Variants in SUSD1 observed in about 807,000 individuals in gnomAD.
SUSD1 encodes the protein sushi domain containing 1, also known as sushi domain-containing protein 1.
SUSD1 carries 65 observed loss-of-function variants against 86.9 expected under a neutral mutation model. That is an observed-to-expected ratio of 0.75 (90% CI 0.61 to 0.92). The LOEUF (loss-of-function observed/expected upper bound fraction) is 0.92, where lower values mean the gene tolerates loss of function less well. Ranked by LOEUF, SUSD1 falls within the 40% of genes least tolerant of loss-of-function variation. The pLI is 0.00. For synonymous variants in SUSD1, 346 were observed against 350.0 expected, an observed-to-expected ratio of 0.99 and a Z score of 0.13; for missense variants, 850 against 929.7, an observed-to-expected ratio of 0.91 and a Z score of 1.11.
chr9:112,069,602 T>G (rs908809770), intron 12 of SUSD1, among the ~76,000 whole-genome samples: 1 of 152,126 alleles, frequency 6.6e-6, no homozygotes, highest in Admixed American at 6.5e-5. Flanking sequence ...TAAAATTAAC[T>G]TTTTTTATTA....
intron 3 of SUSD1, among the ~76,000 whole-genome samples, chr9:112,144,905 C>A (rs1439637740): frequency 6.6e-6 from 1 of 152,068 alleles, no homozygotes. Flanking sequence ...AATCTCTCTT[C>A]CAGTTAGTAG....
intron 12 of SUSD1, among the ~76,000 whole-genome samples, chr9:112,070,363 C>T (rs1829213664): frequency 6.6e-6 from 1 of 152,174 alleles, no homozygotes; most frequent in Non-Finnish European, 1.5e-5. Flanking sequence ...GCCTAAGCCT[C>T]GTCAGGCTGG....
chr9:112,063,900 C>T (rs373824664), intron 12 of SUSD1, among the ~76,000 whole-genome samples: 1 of 152,172 alleles, frequency 6.6e-6, no homozygotes, highest in African/African-American at 2.4e-5. Context: ...TCTTGGGGTT[C>T]CTACCCATGC....
intron 6 of SUSD1, among the ~76,000 whole-genome samples, chr9:112,121,597 A>G (rs1364338507): frequency 6.6e-6 from 1 of 152,180 alleles, no homozygotes; most frequent in Non-Finnish European, 1.5e-5. Context: ...CCACTGCTCT[A>G]TGGACAAATA....
At position 112,093,186 on chromosome 9, in the gene SUSD1, TCTCCCTATTCC is replaced by T. The variant is rs1201654108; in HGVS notation, c.1474+5273_1474+5283del. Reference sequence around the variant, plus strand: ...CATAAGGGAAAAGGCAATTTTGGCTTCTCCCTATTCCCTATATGTTAATCCTCAAGGAAGGA... The same window carrying T: ...CATAAGGGAAAAGGCAATTTTGGCTTCTATATGTTAATCCTCAAGGAAGGA... On this transcript the variant is annotated intron_variant, in intron 10 of 16. Transcript: ENST00000374270. Among the ~76,000 whole-genome samples, 3 of 152,288 alleles carry T rather than the reference TCTCCCTATTCC, an allele frequency of 2.0e-5. No individual in the cohort carries two copies. In the East Asian group the frequency reaches 5.8e-4, roughly 29 times the overall value.
At chr9:112,165,905 G>T (rs1175849570) in intron 1 of SUSD1, among the ~76,000 whole-genome samples, 1 of 77,534 alleles carries the variant, frequency 1.3e-5, no homozygotes, top group Non-Finnish European at 2.5e-5. Context: ...AAGAAAGGAA[G>T]GAAGGAAGGA....
At chr9:112,115,824 G>GAAAAAAAAAGAAAAAAAAAAA (rs1554766278) in intron 6 of SUSD1, among the ~76,000 whole-genome samples, 3 of 120,936 alleles carry the variant, frequency 2.5e-5, no homozygotes, top group East Asian at 2.4e-4. Flanking sequence ...AAAAAAAAAA[G>GAAAAAAAAAGAAAAAAAAAAA]AAAAAAAAAA....
intron 5 of SUSD1, among the ~76,000 whole-genome samples, chr9:112,133,150 ATGT>A (rs1322743935): frequency 6.6e-6 from 1 of 152,198 alleles, no homozygotes; most frequent in Admixed American, 6.5e-5. Context: ...TTAGCCAGGC[ATGT>A]AGTCCCAGCT....
intron 10 of SUSD1, among the ~76,000 whole-genome samples, chr9:112,081,411 G>A (rs1223499381): frequency 6.6e-6 from 1 of 152,174 alleles, no homozygotes; most frequent in Non-Finnish European, 1.5e-5. Context: ...TTGCAACACG[G>A]AGCAGGTAGG....
chr9:112,041,910 C>G lies in SUSD1; in HGVS notation c.2200G>C (p.Ala734Pro). The change falls in exon 16 of 17, where the codon GCT (alanine) becomes CCT (proline). Residue 734 changes from alanine (A) to proline (P), a missense_variant. Coordinates refer to ENST00000374270, the MANE Select transcript of SUSD1 (RefSeq NM_022486.5). ...AGGAATGTGAGAATGATCACAACAG[C>G]CAGGGAACCCAGTCCAACACCCGCC... ...QMAGVGLGSLAVVIILTFLSF... is the reference protein window; with the variant it reads ...QMAGVGLGSLPVVIILTFLSF... 1 of 1,614,038 alleles carries G rather than the reference C, an allele frequency of 6.2e-7. No homozygotes were observed.
At chr9:112,165,259 A>G (rs886087766) in intron 1 of SUSD1, among the ~76,000 whole-genome samples, 4 of 152,210 alleles carry the variant, frequency 2.6e-5, no homozygotes, top group Non-Finnish European at 4.4e-5. Flanking sequence ...GTATTGTAAA[A>G]TGGGATATCC....
At chr9:112,154,331 C>CAAAAAAAAAAAAAA (rs1256311336) in intron 2 of SUSD1, among the ~76,000 whole-genome samples, 1 of 110,606 alleles carries the variant, frequency 9.0e-6, no homozygotes, top group Non-Finnish European at 1.9e-5. Context: ...TCCACACACA[C>CAAAAAAAAAAAAAA]ACACAAAAAA....
chr9:112,139,838 T>C (rs377754541), intron 5 of SUSD1, among the ~76,000 whole-genome samples: 1 of 152,054 alleles, frequency 6.6e-6, no homozygotes, highest in Non-Finnish European at 1.5e-5. Flanking sequence ...TATGGACATA[T>C]AGCCAAAAAC....
chr9:112,110,825 G>A (rs549396223), intron 8 of SUSD1, among the ~76,000 whole-genome samples: 1 of 151,710 alleles, frequency 6.6e-6, no homozygotes, highest in South Asian at 2.1e-4. Context: ...ACTTCTTAAA[G>A]CTCCTTCATT....
chr9:112,141,663 C>A (rs1002803113), intron 5 of SUSD1, among the ~76,000 whole-genome samples: 1 of 146,620 alleles, frequency 6.8e-6, no homozygotes, highest in African/African-American at 2.5e-5. Flanking sequence ...GGTGACAAAG[C>A]GAGATTCTGT....
chr9:112,077,271 C>T (rs1433525490), intron 12 of SUSD1, among the ~76,000 whole-genome samples: 1 of 152,040 alleles, frequency 6.6e-6, no homozygotes, highest in African/African-American at 2.4e-5. Context: ...GGAGGCAGAA[C>T]AGGATGCAAG....
At chr9:112,156,025 G>C (rs1833295130) in intron 2 of SUSD1, among the ~76,000 whole-genome samples, 2 of 151,532 alleles carry the variant, frequency 1.3e-5, no homozygotes, top group South Asian at 4.2e-4. Flanking sequence ...AAGGGAGAGA[G>C]AGAGAAGGAA....
chr9:112,049,606 G>A (rs1434520904), intron 15 of SUSD1, among the ~76,000 whole-genome samples: 2 of 152,222 alleles, frequency 1.3e-5, no homozygotes, highest in Non-Finnish European at 2.9e-5. Flanking sequence ...GAATGGGGCT[G>A]AGCCTTGGCA....
chr9:112,154,374 C>T (rs1012976866), intron 2 of SUSD1, among the ~76,000 whole-genome samples: 1 of 150,962 alleles, frequency 6.6e-6, no homozygotes, highest in Non-Finnish European at 1.5e-5. Flanking sequence ...ATTAGCTGCA[C>T]GTGGTGGTGT....
Sources: gnomAD v4.1 joint callset for allele counts (sites outside exome capture counted in the v4.1 genomes callset) on GRCh38, gnomAD v4.1.1 for gene constraint, MANE v1.5 for transcripts, NCBI Gene and HGNC (gene_info 2026-07-23, HGNC 2026-07-21) for gene names.